Variants in CCDC14 observed in about 807,000 individuals in gnomAD.
CCDC14 encodes coiled-coil domain-containing protein 14.
In CCDC14, 71 loss-of-function variants were observed where a neutral mutation model predicts 81.4. The observed-to-expected ratio is 0.87, with a 90% confidence interval of 0.72 to 1.06. The LOEUF is 1.06. CCDC14 is among the 50% of genes least tolerant of loss of function. The pLI, the probability that CCDC14 is intolerant of heterozygous loss-of-function variation, is 0.00. For missense variants in CCDC14, 1,046 were observed against 1,047.3 expected, an observed-to-expected ratio of 1.00 and a Z score of 0.02; for synonymous variants, 332 against 364.8, an observed-to-expected ratio of 0.91 and a Z score of 1.03.
intron 5 of CCDC14, chr3:123,954,737 C>T (rs187014644): frequency 9.9e-5 from 15 of 152,268 alleles, no homozygotes; most frequent in Admixed American, 3.9e-4. Context: ...GGTAGGTTCA[C>T]ATGCCCAAGT....
At chr3:123,928,204 A>G (rs2035481078) in intron 12 of CCDC14, among the ~76,000 whole-genome samples, 1 of 152,014 alleles carries the variant, frequency 6.6e-6, no homozygotes, top group Non-Finnish European at 1.5e-5. Flanking sequence ...TTACTTAAAA[A>G]AAGACGTATC....
the CCDC14 span, among the ~76,000 whole-genome samples, chr3:123,889,472 A>G: frequency 2.0e-5 from 3 of 152,210 alleles, no homozygotes; most frequent in African/African-American, 7.2e-5. Context: ...TGCAAATCCA[A>G]AACTCAGCAG....
intron 9 of CCDC14, among the ~76,000 whole-genome samples, chr3:123,940,815 C>A (rs1192773076): frequency 6.6e-6 from 1 of 151,998 alleles, no homozygotes; most frequent in Non-Finnish European, 1.5e-5. Flanking sequence ...TCATCTTGTT[C>A]CTGTACTCCA....
downstream of CCDC14, among the ~76,000 whole-genome samples, chr3:123,912,647 C>T (rs1207247611): frequency 1.3e-5 from 2 of 152,084 alleles, no homozygotes; most frequent in Non-Finnish European, 2.9e-5. Flanking sequence ...TCTCTCCCTC[C>T]TCTAATCCTT....
chr3:123,927,584 C>T (rs1177181399), intron 12 of CCDC14, among the ~76,000 whole-genome samples: 4 of 151,976 alleles, frequency 2.6e-5, no homozygotes, highest in Non-Finnish European at 5.9e-5. Context: ...GTCAATCTGA[C>T]AGGTGAGCTA....
intron 5 of CCDC14, among the ~76,000 whole-genome samples, chr3:123,907,719 T>TAA (rs796741745): frequency 7.0e-5 from 10 of 143,318 alleles, no homozygotes; most frequent in African/African-American, 1.8e-4. Context: ...AAAAATATAA[T>TAA]AAAAAAAAAA....
chr3:123,961,121 CTCCTCAGG>C lies in CCDC14; in HGVS notation c.30+15_30+22del. The stretch of plus-strand genomic sequence containing the variant: ...TGTCCCTCTCCATCCCCACAGCGGA[CTCCTCAGG>C]TCCTCAGCCCTCACCTGGCCCGGTC... On this transcript the variant is annotated intron_variant, in intron 1 of 12. Coordinates refer to ENST00000409697, the MANE Select transcript of CCDC14 (RefSeq NM_001366335.1). 6.5e-7 allele frequency: 1 copy of C among 1,542,298 alleles called. No homozygotes were observed. Among genetic ancestry groups the C allele is most frequent in the Non-Finnish European group, 8.8e-7 (1 of 1,140,862 alleles).
intron 9 of CCDC14, among the ~76,000 whole-genome samples, chr3:123,944,407 A>G (rs916074425): frequency 2.0e-5 from 3 of 152,046 alleles, no homozygotes; most frequent in Admixed American, 6.6e-5. Flanking sequence ...TTTCCTAGAC[A>G]ACACATACTG....
chr3:123,927,632 G>A (rs999329768), intron 12 of CCDC14, among the ~76,000 whole-genome samples: 24 of 151,834 alleles, frequency 1.6e-4, no homozygotes, highest in African/African-American at 5.8e-4. Flanking sequence ...GCATAAAAAC[G>A]TGCTTAACAA....
downstream of CCDC14, among the ~76,000 whole-genome samples, chr3:123,893,162 T>C (rs1475868507): frequency 6.6e-6 from 1 of 152,224 alleles, no homozygotes; most frequent in Non-Finnish European, 1.5e-5. Flanking sequence ...CACCATATTG[T>C]GTAACTATCT....
At chr3:123,941,923 C>T (rs1379585913) in intron 9 of CCDC14, among the ~76,000 whole-genome samples, 3 of 151,990 alleles carry the variant, frequency 2.0e-5, no homozygotes, top group Admixed American at 6.6e-5. Context: ...TGTTAAAATA[C>T]AATATTCTCA....
chr3:123,908,544 T>C (rs201821326), downstream of CCDC14, among the ~76,000 whole-genome samples: 24 of 152,330 alleles, frequency 1.6e-4, no homozygotes, highest in East Asian at 3.7e-3. Flanking sequence ...CATTGCCTGT[T>C]TAAGTGTTTT....
Position 123,914,173 on chromosome 3 carries a change from A to C in CCDC14, c.*606T>G. The stretch of plus-strand genomic sequence containing the variant: ...ATGAATTTGGGATAAAAACAAATAA[A>C]AGTGCCCAAGTTTTAAGAAGCCATA... On this transcript the variant is annotated 3_prime_UTR_variant, in exon 13 of 13. Transcript: ENST00000409697. 1 of 985,082 alleles carries C rather than the reference A, an allele frequency of 1.0e-6. No individual in the cohort carries two copies. 61.0% of individuals were successfully genotyped at this position (985,082 alleles called of 1,614,324 possible). A position where few individuals can be genotyped will look rare whatever the true frequency, so the allele number is the denominator to read the frequency against.
At chr3:123,953,740 G>C (rs924519460) in intron 5 of CCDC14, 2 of 152,132 alleles carry the variant, frequency 1.3e-5, no homozygotes, top group African/African-American at 4.8e-5. Flanking sequence ...GGCTGCCTTC[G>C]TCATTTCAAT....
chr3:123,960,778 T>C (rs182586708), intron 1 of CCDC14, among the ~76,000 whole-genome samples: 2 of 152,332 alleles, frequency 1.3e-5, no homozygotes, highest in Non-Finnish European at 2.9e-5. Flanking sequence ...TTTCTGCCTA[T>C]TTTGCAGCTA....
At chr3:123,922,952 C>G (rs946252333) in intron 12 of CCDC14, among the ~76,000 whole-genome samples, 1 of 152,010 alleles carries the variant, frequency 6.6e-6, no homozygotes, top group Non-Finnish European at 1.5e-5. Context: ...ACTCTGATAA[C>G]AAAGCCAGAA....
the CCDC14 span, among the ~76,000 whole-genome samples, chr3:123,888,145 T>A: frequency 6.6e-6 from 1 of 152,172 alleles, no homozygotes; most frequent in South Asian, 2.1e-4. Flanking sequence ...TTCTGATGTA[T>A]GTTGTTCTTT....
At chr3:123,927,034 G>A (rs898310323) in intron 12 of CCDC14, among the ~76,000 whole-genome samples, 9 of 152,038 alleles carry the variant, frequency 5.9e-5, no homozygotes, top group African/African-American at 2.2e-4. Flanking sequence ...ATTGCATAGG[G>A]TGTCATCAAA....
intron 12 of CCDC14, among the ~76,000 whole-genome samples, chr3:123,927,235 G>A (rs1030121910): frequency 7.7e-5 from 11 of 142,432 alleles, no homozygotes; most frequent in Non-Finnish European, 6.1e-5. Context: ...GCGAGACCTC[G>A]TCTCTACTAA....
Sources: allele counts gnomAD v4.1 joint callset (sites outside exome capture counted in the v4.1 genomes callset), GRCh38; gene constraint gnomAD v4.1.1; transcripts MANE v1.5; gene names NCBI Gene and HGNC (gene_info 2026-07-23, HGNC 2026-07-21).